The following DIAPH2 variants were observed in gnomAD, a reference collection of about 807,000 sequenced individuals.
DIAPH2 encodes the protein protein diaphanous homolog 2.
DIAPH2 carries 35 observed loss-of-function variants against 92.7 expected under a neutral mutation model. That is an observed-to-expected ratio of 0.38 (90% CI 0.29 to 0.50). The LOEUF (loss-of-function observed/expected upper bound fraction) is 0.50, where lower values mean the gene tolerates loss of function less well. DIAPH2 is among the 20% of genes least tolerant of loss of function. The probability of loss-of-function intolerance (pLI) is 0.94; values close to 1 mark genes in which losing one functional copy is unlikely to be tolerated. For synonymous variants in DIAPH2, 301 were observed against 280.4 expected (o/e 1.07, Z -0.73); for missense variants, 701 against 819.5 (o/e 0.86, Z 1.77).
rs2071593889 is a variant in DIAPH2 at position 97,601,283 on chromosome X, TATTA to T, written c.*1967_*1970del. On this transcript the variant is annotated 3_prime_UTR_variant, in exon 27 of 27. Coordinates refer to ENST00000324765, the MANE Select transcript of DIAPH2 (RefSeq NM_006729.5). ...AAATTTGGGAGCATATGCCTTGCTA[TATTA>T]TCAAGCTGGTCAAGGTAGAAATACT... The T allele has an allele frequency of 8.9e-6, 1 of 112,207 alleles. No individual in the cohort carries two copies. The highest frequency in any genetic ancestry group is 1.9e-5 in the Non-Finnish European group (1 of 53,131). 9.2% of individuals were successfully genotyped at this position (112,207 alleles called of 1,213,427 possible). A position where few individuals can be genotyped will look rare whatever the true frequency, so the allele number is the denominator to read the frequency against.
chrX:97,590,898 ATAGAAT>A (rs1003316899), intron 26 of DIAPH2, among the ~76,000 whole-genome samples: 1 of 112,332 alleles, frequency 8.9e-6, no homozygotes, highest in Non-Finnish European at 1.9e-5. Flanking sequence ...TTTTAAAAAA[ATAGAAT>A]TAAAATTAAA....
intron 21 of DIAPH2, among the ~76,000 whole-genome samples, chrX:97,139,332 T>C (rs999312530): frequency 3.7e-5 from 4 of 107,630 alleles, no homozygotes; most frequent in Admixed American, 1.0e-4. Flanking sequence ...ATTATATATA[T>C]ATATATTTTA....
rs1390830848 is a variant in DIAPH2, at chrX:96,903,766, G to A, written c.588-8562G>A. On this transcript the variant is annotated intron_variant, in intron 5 of 26. Transcript: ENST00000324765. ...TTCTACCAATAATGTTTAAAGGAAG[G>A]TGGGGAGGAAAATATTCTTGATTGT... Among the ~76,000 whole-genome samples, 7 of 111,908 alleles carry A rather than the reference G, an allele frequency of 6.3e-5. No homozygotes were observed. The Admixed American group carries it at 6.6e-4, about 11-fold the overall frequency.
chrX:97,182,813 G>T (rs2067550620), intron 22 of DIAPH2, among the ~76,000 whole-genome samples: 1 of 111,349 alleles, frequency 9.0e-6, no homozygotes, highest in Admixed American at 9.6e-5. Flanking sequence ...TATACATTGA[G>T]TATATAGCTA....
chrX:97,546,044 T>C (rs912342868), intron 26 of DIAPH2, among the ~76,000 whole-genome samples: 7 of 111,210 alleles, frequency 6.3e-5, no homozygotes. Context: ...GGACAATCTA[T>C]ATGACTAAGT....
At chrX:96,737,076 G>C (rs1461601118) in intron 2 of DIAPH2, among the ~76,000 whole-genome samples, 1 of 111,946 alleles carries the variant, frequency 8.9e-6, no homozygotes, top group Admixed American at 9.5e-5. Flanking sequence ...AAGATGATTA[G>C]AAGAAATGAA....
At chrX:97,120,223 T>G (rs374005668) in intron 21 of DIAPH2, among the ~76,000 whole-genome samples, 6 of 111,048 alleles carry the variant, frequency 5.4e-5, no homozygotes, top group African/African-American at 2.0e-4. Context: ...CCTTTCCTGC[T>G]GCTTCCTCTA....
chrX:96,806,180 G>A (rs753909705), intron 4 of DIAPH2, among the ~76,000 whole-genome samples: 3 of 111,544 alleles, frequency 2.7e-5, no homozygotes, highest in African/African-American at 9.8e-5. Context: ...CCTAATAGTC[G>A]TGTCACAAAT....
Position 97,601,723 on chromosome X carries a change from A to ATATT in DIAPH2, c.*2407_*2410dup, listed in dbSNP as rs1474242933. On this transcript the variant is annotated 3_prime_UTR_variant, in exon 27 of 27. Transcript: ENST00000324765. ...TTTTAAAAGGTACAGAATCCTTAAA[A>ATATT]TATTAACAACTAATTGCATCCATCA... 8.9e-6 allele frequency: 1 copy of ATATT among 112,491 alleles called. No individual in the cohort carries two copies. The highest frequency in any genetic ancestry group is 1.9e-5 in the Non-Finnish European group (1 of 53,338). 9.3% of individuals were successfully genotyped at this position (112,491 alleles called of 1,213,427 possible).
At chrX:97,111,034 G>C (rs1205533000) in intron 20 of DIAPH2, among the ~76,000 whole-genome samples, 1 of 111,191 alleles carries the variant, frequency 9.0e-6, no homozygotes, top group Non-Finnish European at 1.9e-5. Flanking sequence ...CTGAGAAGAT[G>C]GTCAGCTGAA....
chrX:97,044,146 T>C (rs1011678762), intron 17 of DIAPH2, among the ~76,000 whole-genome samples: 2 of 112,184 alleles, frequency 1.8e-5, no homozygotes, highest in Admixed American at 9.4e-5. Flanking sequence ...AATGTTGTTT[T>C]ATCTTCCAAA....
rs137938223 is a variant in DIAPH2, at chrX:97,170,095, T to C, written c.2719+28301T>C. On this transcript the variant is annotated intron_variant, in intron 22 of 26. Transcript: ENST00000324765. ...AAGAGTAAGAAGTTATTTTTGAACATGGTAATTTTCTTATGTCCATGTTCA... is the reference window on the plus strand; with the variant it reads ...AAGAGTAAGAAGTTATTTTTGAACACGGTAATTTTCTTATGTCCATGTTCA... Among the ~76,000 whole-genome samples, 87 of 111,694 alleles carry C rather than the reference T, an allele frequency of 7.8e-4. 1 individual carries two copies. Among genetic ancestry groups the C allele is most frequent in the African/African-American group, 2.6e-3 (79 of 30,743 alleles).
intron 4 of DIAPH2, among the ~76,000 whole-genome samples, chrX:96,773,760 G>C (rs1318404975): frequency 9.0e-6 from 1 of 111,288 alleles, no homozygotes; most frequent in East Asian, 2.8e-4. Flanking sequence ...TGGGGCACGA[G>C]AATCACTGGA....
At chrX:97,029,773 A>G (rs2066360709) in intron 17 of DIAPH2, among the ~76,000 whole-genome samples, 1 of 110,964 alleles carries the variant, frequency 9.0e-6, no homozygotes, top group Non-Finnish European at 1.9e-5. Flanking sequence ...TTATTTCTGG[A>G]TTTTTATTTT....
chrX:97,165,365 A>G (rs1042649674), intron 22 of DIAPH2, among the ~76,000 whole-genome samples: 2 of 112,067 alleles, frequency 1.8e-5, no homozygotes, highest in Non-Finnish European at 3.8e-5. Context: ...AATAGTTTCA[A>G]AAGAAGCATT....
chrX:97,181,322 C>T (rs1019225378), intron 22 of DIAPH2, among the ~76,000 whole-genome samples: 9 of 111,027 alleles, frequency 8.1e-5, no homozygotes, highest in East Asian at 2.8e-4. Context: ...CTGCTGGCCT[C>T]GGCCTCCCAA....
intron 26 of DIAPH2, among the ~76,000 whole-genome samples, chrX:97,515,593 A>G (rs1032618704): frequency 8.0e-5 from 9 of 111,946 alleles, no homozygotes; most frequent in African/African-American, 2.9e-4. Flanking sequence ...GTAGTGGAGA[A>G]ATATGACTGG....
chrX:96,861,489 A>G (rs1275006960), intron 4 of DIAPH2, among the ~76,000 whole-genome samples: 1 of 111,349 alleles, frequency 9.0e-6, no homozygotes, highest in African/African-American at 3.3e-5. Context: ...GCTCCTTCCC[A>G]TTACCCCTGT....
chrX:97,497,480 C>G (rs1354654518), intron 26 of DIAPH2, among the ~76,000 whole-genome samples: 1 of 107,874 alleles, frequency 9.3e-6, no homozygotes, highest in East Asian at 2.9e-4. Context: ...CTCTTTGTAC[C>G]CTATCTTTTG....
Sources: gnomAD v4.1 joint callset for allele counts (sites outside exome capture counted in the v4.1 genomes callset) on GRCh38, gnomAD v4.1.1 for gene constraint, MANE v1.5 for transcripts, NCBI Gene and HGNC (gene_info 2026-07-23, HGNC 2026-07-21) for gene names.